TNFAIP8: variants seen among roughly 807,000 people sequenced by gnomAD.
TNFAIP8 encodes TNF alpha induced protein 8, also known as tumor necrosis factor alpha-induced protein 8.
Under a neutral mutation model 13.3 loss-of-function variants are expected in TNFAIP8, and 7 were observed. That is an observed-to-expected ratio of 0.52 (90% CI 0.30 to 0.99). The LOEUF is 0.99. TNFAIP8 is among the 50% of genes least tolerant of loss of function. TNFAIP8 has a pLI of 0.07. For missense variants in TNFAIP8, 258 were observed against 236.9 expected (o/e 1.09, Z -0.58); for synonymous variants, 94 against 87.6 (o/e 1.07, Z -0.41).
rs545415029 is a variant in TNFAIP8, at chr5:119,393,032, C to T, written c.248C>T (p.Ala83Val). 14 of 1,613,414 alleles carry T rather than the reference C, an allele frequency of 8.7e-6. No individual in the cohort carries two copies. In the African/African-American group the frequency reaches 1.7e-4, roughly 20 times the overall value. The change falls in exon 2 of 2, where the codon GCC (alanine) becomes GTC (valine). Residue 83 changes from alanine to valine, a missense_variant. Physicochemically the swap from Ala to Val is moderately conservative, Grantham distance 64. Transcript: ENST00000504771. ...CTCATCAAGACAGTCATCAAGCTGG[C>T]CATTCTTTATAGGAATAATCAGTTT... ...KNLIKTVIKL[A>V]ILYRNNQFNQ... is the part of the protein sequence containing the mutation.
Position 119,369,005 on chromosome 5 carries a change from G to GA in TNFAIP8, c.31+12891dup, listed in dbSNP as rs1289753954. 1.1e-4 allele frequency among the ~76,000 whole-genome samples: 17 copies of GA among 149,622 alleles called. 1 individual carries two copies. In the South Asian group the frequency reaches 3.6e-3, roughly 31 times the overall value. On this transcript the variant is annotated intron_variant, in intron 1 of 1. Coordinates refer to ENST00000504771, the MANE Select transcript of TNFAIP8 (RefSeq NM_014350.4). ...CCTGTTCAAATAGGATGCTTTTAGG[G>GA]AAAAAAAGGGAACTGTTAACATAAG...
At chr5:119,369,292 G>GATCC (rs1751990039) in intron 1 of TNFAIP8, among the ~76,000 whole-genome samples, 1 of 152,106 alleles carries the variant, frequency 6.6e-6, no homozygotes. Flanking sequence ...GACCTCAAGT[G>GATCC]ATCCGCCTGC....
intron 1 of TNFAIP8, among the ~76,000 whole-genome samples, chr5:119,296,978 T>G (rs886905525): frequency 5.3e-5 from 8 of 151,964 alleles, no homozygotes; most frequent in African/African-American, 1.9e-4. Context: ...TGATATCCCC[T>G]TTATCATTTT....
At chr5:119,308,505 G>A (rs192646646) in intron 1 of TNFAIP8, among the ~76,000 whole-genome samples, 12 of 151,918 alleles carry the variant, frequency 7.9e-5, no homozygotes, top group East Asian at 3.9e-4. Context: ...TTGGCCTTGG[G>A]AGGAGGTCTT....
chr5:119,351,782 CTTTTTCTT>C (rs1461392581), upstream of TNFAIP8, among the ~76,000 whole-genome samples: 6 of 137,366 alleles, frequency 4.4e-5, no homozygotes, highest in South Asian at 2.1e-4. Flanking sequence ...TCTTTCTTTT[CTTTTTCTT>C]TTTTTCTTTT....
At chr5:119,355,908 C>T, upstream of TNFAIP8, 1 of 1,318,046 alleles carries the variant, frequency 7.6e-7, no homozygotes, top group Non-Finnish European at 9.9e-7. Flanking sequence ...GTCACTCTTG[C>T]AGAACTTTCC....
Position 119,364,796 on chromosome 5 carries a change from A to T in TNFAIP8, c.31+8675A>T, listed in dbSNP as rs1562021027. ...AGCTTTGGCCACTCAAAATTAGATAATTTTTTTAAGGTAATGAAGGGTTTT... is the reference window on the plus strand; with the variant it reads ...AGCTTTGGCCACTCAAAATTAGATATTTTTTTTAAGGTAATGAAGGGTTTT... On this transcript the variant is annotated intron_variant, in intron 1 of 1. Coordinates refer to ENST00000504771, the MANE Select transcript of TNFAIP8 (RefSeq NM_014350.4). Among the ~76,000 whole-genome samples the T allele has an allele frequency of 3.5e-5, 5 of 141,200 alleles. No individual in the cohort carries two copies. The South Asian group carries it at 1.1e-3, about 32-fold the overall frequency. 92.6% of individuals were successfully genotyped at this position (141,200 alleles called of 152,430 possible).
intron 1 of TNFAIP8, among the ~76,000 whole-genome samples, chr5:119,379,740 A>G (rs1467318150): frequency 1.3e-5 from 2 of 151,984 alleles, no homozygotes; most frequent in African/African-American, 4.8e-5. Flanking sequence ...ATAAGCATAC[A>G]CCACAACACC....
At chr5:119,322,125 AG>A (rs1020915417) in intron 1 of TNFAIP8, among the ~76,000 whole-genome samples, 1 of 152,102 alleles carries the variant, frequency 6.6e-6, no homozygotes, top group African/African-American at 2.4e-5. Context: ...CCCAGGAGAA[AG>A]CCTATCCAAA....
At chr5:119,315,230 C>T (rs1749853793) in intron 1 of TNFAIP8, among the ~76,000 whole-genome samples, 1 of 152,100 alleles carries the variant, frequency 6.6e-6, no homozygotes, top group Admixed American at 6.6e-5. Context: ...CTACAGGTGC[C>T]CGCCACCAGG....
chr5:119,344,376 C>T (rs894141571), intron 1 of TNFAIP8, among the ~76,000 whole-genome samples: 2 of 152,188 alleles, frequency 1.3e-5, no homozygotes, highest in African/African-American at 2.4e-5. Context: ...GGCACCAAGC[C>T]ATTCATTAAG....
intron 1 of TNFAIP8, among the ~76,000 whole-genome samples, chr5:119,309,170 A>G (rs1749656432): frequency 6.6e-6 from 1 of 152,198 alleles, no homozygotes; most frequent in African/African-American, 2.4e-5. Flanking sequence ...AGCCTCTGCA[A>G]CATGCATTGG....
intron 1 of TNFAIP8, among the ~76,000 whole-genome samples, chr5:119,387,400 C>CT (rs1465081754): frequency 6.6e-6 from 1 of 152,114 alleles, no homozygotes; most frequent in Non-Finnish European, 1.5e-5. Context: ...CGAGTTTTAA[C>CT]TAGGCAAGAA....
At chr5:119,366,579 TG>T (rs1289269625) in intron 1 of TNFAIP8, among the ~76,000 whole-genome samples, 5 of 152,250 alleles carry the variant, frequency 3.3e-5, no homozygotes, top group African/African-American at 4.8e-5. Flanking sequence ...CAGTGGTGTC[TG>T]CCTGTGGGCA....
chr5:119,341,778 G>A (rs1750745913), intron 1 of TNFAIP8, among the ~76,000 whole-genome samples: 1 of 152,162 alleles, frequency 6.6e-6, no homozygotes, highest in South Asian at 2.1e-4. Context: ...AATCAAAACA[G>A]TTCTGAGTAT....
chr5:119,346,964 G>C (rs948258514), intron 1 of TNFAIP8, among the ~76,000 whole-genome samples: 1 of 152,098 alleles, frequency 6.6e-6, no homozygotes, highest in Non-Finnish European at 1.5e-5. Flanking sequence ...AATTGTATGG[G>C]GTCAGTATTA....
chr5:119,352,317 G>A (rs73237289), upstream of TNFAIP8, among the ~76,000 whole-genome samples: 17,684 of 152,054 alleles, frequency 0.12, 1,566 homozygotes, highest in African/African-American at 0.26. Flanking sequence ...TATAGATCAC[G>A]GAAGCCTTCG....
intron 1 of TNFAIP8, among the ~76,000 whole-genome samples, chr5:119,375,536 A>G (rs530427311): frequency 1.1e-4 from 16 of 152,354 alleles, no homozygotes; most frequent in Middle Eastern, 3.4e-3. Context: ...AATCTTCAAG[A>G]CAGCAAGTTC....
chr5:119,339,675 A>T (rs3813303), intron 1 of TNFAIP8, among the ~76,000 whole-genome samples: 21,596 of 151,996 alleles, frequency 0.14, 2,157 homozygotes, highest in African/African-American at 0.28. Flanking sequence ...AAGGTACTAG[A>T]AGGTTTGGTA....
Sources: gnomAD v4.1 joint callset for allele counts (sites outside exome capture counted in the v4.1 genomes callset) on GRCh38, gnomAD v4.1.1 for gene constraint, MANE v1.5 for transcripts, NCBI Gene and HGNC (gene_info 2026-07-23, HGNC 2026-07-21) for gene names.